Variants in PAPSS2 observed in about 807,000 individuals in gnomAD.
The protein encoded by PAPSS2 is 3'-phosphoadenosine 5'-phosphosulfate synthase 2.
A neutral mutation model predicts 66.5 loss-of-function variants in PAPSS2; 61 were observed. That is an observed-to-expected ratio of 0.92 (90% CI 0.75 to 1.14). The LOEUF (loss-of-function observed/expected upper bound fraction) is 1.14, where lower values mean the gene tolerates loss of function less well. Ranked by LOEUF, PAPSS2 falls within the 50% of genes most tolerant of loss-of-function variation. The probability of loss-of-function intolerance (pLI) is 0.00; values close to 1 mark genes in which losing one functional copy is unlikely to be tolerated. For synonymous variants in PAPSS2, 289 were observed against 287.5 expected (o/e 1.01, Z -0.05); for missense variants, 708 against 789.6 (o/e 0.90, Z 1.24).
At chr10:87,732,864 G>A (rs1853746514) in intron 9 of PAPSS2, among the ~76,000 whole-genome samples, 1 of 152,024 alleles carries the variant, frequency 6.6e-6, no homozygotes, top group Non-Finnish European at 1.5e-5. Flanking sequence ...GTTATTAGGG[G>A]GACTCGATAA....
intron 1 of PAPSS2, among the ~76,000 whole-genome samples, chr10:87,694,834 G>A (rs1853212462): frequency 6.6e-6 from 1 of 152,164 alleles, no homozygotes; most frequent in South Asian, 2.1e-4. Flanking sequence ...TCAGTAAAGG[G>A]GCTCTGGGCC....
chr10:87,714,078 C>T lies in PAPSS2; in HGVS notation c.416C>T (p.Ala139Val). The T allele has an allele frequency of 1.2e-6, 2 of 1,613,750 alleles. No individual in the cohort carries two copies. Among genetic ancestry groups the T allele is most frequent in the Non-Finnish European group, 1.7e-6 (2 of 1,179,702 alleles). The change falls in exon 4 of 13, where the codon GCA (alanine) becomes GTA (valine). Residue 139 changes from alanine (A) to valine (V), a missense_variant. Coordinates refer to ENST00000456849, the MANE Select transcript of PAPSS2 (RefSeq NM_001015880.2). ...AATGCCCGCAAAATACATGAATCAG[C>T]AGGGCTGCCATTCTTTGAAATATTT... ...RENARKIHESAGLPFFEIFVD... is the reference protein window; with the variant it reads ...RENARKIHESVGLPFFEIFVD...
intron 9 of PAPSS2, among the ~76,000 whole-genome samples, chr10:87,736,263 CTTTTTTTTTTT>C (rs10553485): frequency 1.9e-5 from 2 of 103,250 alleles, no homozygotes; most frequent in African/African-American, 7.6e-5. Context: ...TTCTTTCTTT[CTTTTTTTTTTT>C]TTTTTTTTTT....
chr10:87,707,180 G>T (rs7905780), intron 1 of PAPSS2, among the ~76,000 whole-genome samples: 7,279 of 152,198 alleles, frequency 0.048, 551 homozygotes, highest in African/African-American at 0.16. Flanking sequence ...GGGCCACGCA[G>T]GAAAGGATGG....
At position 87,741,377 on chromosome 10, in the gene PAPSS2, A is replaced by T. The variant is rs2131729756; in HGVS notation, c.1222+7A>T. The T allele has an allele frequency of 6.2e-7, 1 of 1,608,940 alleles. No individual in the cohort carries two copies. Among genetic ancestry groups the T allele is most frequent in the African/African-American group, 1.3e-5 (1 of 74,886 alleles). On this transcript the variant is annotated splice_region_variant and intron_variant, in intron 10 of 12. Coordinates refer to ENST00000456849, the MANE Select transcript of PAPSS2 (RefSeq NM_001015880.2). ...TGTAAAGAAATGAATGCTGGTATGT[A>T]AACTGTTCTTAGTGCATTTTATTTA...
intron 1 of PAPSS2, among the ~76,000 whole-genome samples, chr10:87,662,035 C>A (rs1309899570): frequency 6.6e-6 from 1 of 152,128 alleles, no homozygotes. Context: ...AAAATCTGTC[C>A]GCTTGTGTGA....
intron 9 of PAPSS2, among the ~76,000 whole-genome samples, chr10:87,737,623 C>A (rs1853816696): frequency 6.6e-6 from 1 of 151,988 alleles, no homozygotes; most frequent in African/African-American, 2.4e-5. Context: ...GGAGTTGAGA[C>A]CTATCTGGTT....
At chr10:87,708,989 T>G (rs1306328422) in intron 1 of PAPSS2, among the ~76,000 whole-genome samples, 1 of 152,172 alleles carries the variant, frequency 6.6e-6, no homozygotes, top group Non-Finnish European at 1.5e-5. Context: ...TATATATACA[T>G]GTAGCTAATG....
intron 1 of PAPSS2, among the ~76,000 whole-genome samples, chr10:87,695,991 T>G (rs1216271819): frequency 6.6e-6 from 1 of 152,132 alleles, no homozygotes; most frequent in Admixed American, 6.6e-5. Flanking sequence ...ACCTGCTATC[T>G]CCATCCAAAT....
chr10:87,715,547 A>G (rs1201753726), intron 6 of PAPSS2, among the ~76,000 whole-genome samples, 185 bp from the exon 7 acceptor site: 3 of 152,250 alleles, frequency 2.0e-5, no homozygotes, highest in Admixed American at 2.0e-4. Flanking sequence ...ATTTCATAGG[A>G]AACTTCCAAA....
intron 1 of PAPSS2, among the ~76,000 whole-genome samples, chr10:87,673,920 C>G (rs970735826): frequency 3.3e-5 from 5 of 151,990 alleles, no homozygotes; most frequent in Non-Finnish European, 7.4e-5. Flanking sequence ...TCCCAGAGCT[C>G]TCCTTTACCA....
intron 10 of PAPSS2, among the ~76,000 whole-genome samples, chr10:87,742,561 A>C (rs1853883234): frequency 6.6e-6 from 1 of 152,234 alleles, no homozygotes. Context: ...AATACTATAG[A>C]CATAAAAATT....
intron 7 of PAPSS2, among the ~76,000 whole-genome samples, chr10:87,717,332 T>C (rs1196422093): frequency 6.6e-6 from 1 of 152,220 alleles, no homozygotes; most frequent in Non-Finnish European, 1.5e-5. Flanking sequence ...CAAGGTGCTG[T>C]TGACCTTGGA....
intron 7 of PAPSS2, among the ~76,000 whole-genome samples, chr10:87,720,102 T>C (rs773765826): frequency 2.0e-5 from 3 of 152,136 alleles, no homozygotes; most frequent in Non-Finnish European, 4.4e-5. Flanking sequence ...GCCAGGCTGG[T>C]CTTGAACTCC....
chr10:87,729,550 C>T (rs1853703234), intron 9 of PAPSS2, among the ~76,000 whole-genome samples: 1 of 152,140 alleles, frequency 6.6e-6, no homozygotes, highest in Non-Finnish European at 1.5e-5. Context: ...TCTCCCTCTC[C>T]TTGGGCCTCC....
Position 87,727,451 on chromosome 10 carries a change from G to C in PAPSS2, c.1048G>C (p.Val350Leu). Residue 350 changes from valine (V) to leucine (L), a missense_variant, in exon 9 of 13, where the codon GTT (valine) becomes CTT (leucine). Transcript: ENST00000456849. ...EHRKEERCSR[V>L]WGTTCTKHPH... ...CAGAAAAGAGGAACGCTGTTCCCGT[G>C]TTTGGGGGACAACATGTACAAAACA... 6.2e-7 allele frequency: 1 copy of C among 1,613,926 alleles called. No individual in the cohort carries two copies. The highest frequency in any genetic ancestry group is 1.1e-5 in the South Asian group (1 of 91,054).
rs145521076 is a variant in PAPSS2, at chr10:87,733,164, G to A, written c.1086+5675G>A. On this transcript the variant is annotated intron_variant, in intron 9 of 12. Coordinates refer to ENST00000456849, the MANE Select transcript of PAPSS2 (RefSeq NM_001015880.2). ...CTGGGCCTTATTCTATTTCCATGTG[G>A]CACTGGGAGTGATATTTGCAAGGAA... 8.5e-4 allele frequency among the ~76,000 whole-genome samples: 130 copies of A among 152,284 alleles called. 2 individuals carry two copies. The East Asian group carries it at 0.023, about 27-fold the overall frequency.
chr10:87,741,664 G>A (rs1853871931), intron 10 of PAPSS2, among the ~76,000 whole-genome samples: 1 of 152,108 alleles, frequency 6.6e-6, no homozygotes, highest in Non-Finnish European at 1.5e-5. Context: ...CAAAGTGCTG[G>A]GATTACAGAT....
chr10:87,706,140 G>GTGTGTATA (rs1304990011), intron 1 of PAPSS2, among the ~76,000 whole-genome samples: 1 of 113,182 alleles, frequency 8.8e-6, no homozygotes, highest in Admixed American at 9.6e-5. Context: ...GTGTGTGTGT[G>GTGTGTATA]TATATATATA....
Sources: gnomAD v4.1 joint callset for allele counts (sites outside exome capture counted in the v4.1 genomes callset) on GRCh38, gnomAD v4.1.1 for gene constraint, MANE v1.5 for transcripts, NCBI Gene and HGNC (gene_info 2026-07-23, HGNC 2026-07-21) for gene names.